RBFOX1: variants seen among roughly 807,000 people sequenced by gnomAD.
RBFOX1 encodes RNA binding protein fox-1 homolog 1.
RBFOX1 carries 8 observed loss-of-function variants against 57.7 expected under a neutral mutation model. The ratio of observed to expected loss-of-function variants is 0.14; its 90% CI spans 0.08 to 0.25. The LOEUF (loss-of-function observed/expected upper bound fraction) is 0.25. Among genes scored for constraint, RBFOX1 ranks in the 10% least tolerant of loss-of-function variants. The probability of loss-of-function intolerance (pLI) is 1.00; values close to 1 mark genes in which losing one functional copy is unlikely to be tolerated. For missense variants in RBFOX1, 611 were observed against 548.5 expected, an observed-to-expected ratio of 1.11 and a Z score of -1.14; for synonymous variants, 326 against 222.4, an observed-to-expected ratio of 1.47 and a Z score of -4.15.
chr16:6,068,728 G>T (rs915999645), intron 1 of RBFOX1, among the ~76,000 whole-genome samples: 1 of 152,190 alleles, frequency 6.6e-6, no homozygotes, highest in Non-Finnish European at 1.5e-5. Context: ...TACGTCTTTA[G>T]AGGAATGCAC....
At chr16:7,206,344 C>CCCCTTATAAATA (rs1174818547) in intron 4 of RBFOX1, among the ~76,000 whole-genome samples, 62 of 151,950 alleles carry the variant, frequency 4.1e-4, no homozygotes, top group East Asian at 5.8e-4. Flanking sequence ...CTTTGCCTTG[C>CCCCTTATAAATA]CAAGTAAGCC....
rs1156971253 is a variant in RBFOX1 at position 6,444,633 on chromosome 16, CT to C, written c.-64+127586del. ...ATGTGGAACTGTAAGTCCATTAAAC[CT>C]TTTTTTTTTCCTAGTCTTGGGTATG... On this transcript the variant is annotated intron_variant, in intron 2 of 15. Coordinates refer to ENST00000550418, the MANE Select transcript of RBFOX1 (RefSeq NM_018723.4). Among the ~76,000 whole-genome samples, 14 of 149,774 alleles carry C rather than the reference CT, an allele frequency of 9.3e-5. No individual in the cohort carries two copies. The East Asian group carries it at 1.2e-3, about 13-fold the overall frequency.
At chr16:7,536,327 C>T (rs922950699) in intron 5 of RBFOX1, among the ~76,000 whole-genome samples, 1 of 152,220 alleles carries the variant, frequency 6.6e-6, no homozygotes, top group Non-Finnish European at 1.5e-5. Flanking sequence ...GGCGCGGTGG[C>T]TCATGCCTGT....
At chr16:6,254,066 A>G (rs1433920951) in intron 1 of RBFOX1, among the ~76,000 whole-genome samples, 1 of 152,156 alleles carries the variant, frequency 6.6e-6, no homozygotes, top group Non-Finnish European at 1.5e-5. Flanking sequence ...TAATGGAAAG[A>G]CAAACTTACG....
intron 3 of RBFOX1, among the ~76,000 whole-genome samples, chr16:6,929,734 G>T (rs1245988571): frequency 6.6e-6 from 1 of 152,086 alleles, no homozygotes; most frequent in Non-Finnish European, 1.5e-5. Flanking sequence ...TATTATTTAT[G>T]AAATGCAGAG....
chr16:5,266,641 G>A (rs1412489342), intron 1 of RBFOX1, among the ~76,000 whole-genome samples: 1 of 147,404 alleles, frequency 6.8e-6, no homozygotes, highest in Admixed American at 7.0e-5. Flanking sequence ...TCTGTCTCCT[G>A]GGCTCAAGGA....
At chr16:7,017,611 A>C (rs1032652702) in intron 3 of RBFOX1, among the ~76,000 whole-genome samples, 2 of 152,280 alleles carry the variant, frequency 1.3e-5, no homozygotes, top group Middle Eastern at 3.4e-3. Flanking sequence ...GTCAAGGTAC[A>C]TTGTGGCCTC....
intron 3 of RBFOX1, among the ~76,000 whole-genome samples, chr16:6,737,565 A>G (rs924855749): frequency 6.6e-6 from 1 of 152,088 alleles, no homozygotes; most frequent in African/African-American, 2.4e-5. Context: ...TTAAATCTGG[A>G]CTCTGCTTCT....
At chr16:6,527,705 C>T (rs1316990888) in intron 2 of RBFOX1, among the ~76,000 whole-genome samples, 1 of 152,128 alleles carries the variant, frequency 6.6e-6, no homozygotes, top group East Asian at 1.9e-4. Context: ...GTTTATCCTC[C>T]TGAGTCAGAG....
chr16:6,372,612 T>G (rs1012766783), intron 2 of RBFOX1, among the ~76,000 whole-genome samples: 8 of 150,192 alleles, frequency 5.3e-5, no homozygotes, highest in African/African-American at 2.0e-4. Flanking sequence ...TTCATTGGGA[T>G]CACTGGGCAG....
At chr16:6,280,985 ATG>A (rs1439602972) in intron 1 of RBFOX1, among the ~76,000 whole-genome samples, 5 of 150,140 alleles carry the variant, frequency 3.3e-5, no homozygotes, top group East Asian at 2.0e-4. Flanking sequence ...GTGTATATAT[ATG>A]TGTGTGTGTA....
At chr16:6,197,853 T>C (rs920503523) in intron 1 of RBFOX1, among the ~76,000 whole-genome samples, 2 of 152,088 alleles carry the variant, frequency 1.3e-5, no homozygotes, top group African/African-American at 4.8e-5. Flanking sequence ...TTCGTGTCCA[T>C]GAGTTTCCAT....
chr16:6,203,866 A>T (rs962174235), intron 1 of RBFOX1, among the ~76,000 whole-genome samples: 1 of 152,100 alleles, frequency 6.6e-6, no homozygotes, highest in Non-Finnish European at 1.5e-5. Context: ...TCTTTCATCT[A>T]TTGTGTATCT....
At chr16:7,139,484 C>G (rs1337331159) in intron 4 of RBFOX1, among the ~76,000 whole-genome samples, 1 of 152,088 alleles carries the variant, frequency 6.6e-6, no homozygotes, top group Admixed American at 6.6e-5. Context: ...AAAATCCTAA[C>G]TAAATAGCCC....
chr16:6,176,902 A>G (rs1043005250), intron 1 of RBFOX1, among the ~76,000 whole-genome samples: 3 of 152,162 alleles, frequency 2.0e-5, no homozygotes, highest in Non-Finnish European at 4.4e-5. Context: ...GAACAGGTCA[A>G]AAACTGTTTT....
intron 3 of RBFOX1, among the ~76,000 whole-genome samples, chr16:6,909,141 A>G (rs1350220717): frequency 6.6e-6 from 1 of 152,198 alleles, no homozygotes; most frequent in East Asian, 1.9e-4. Flanking sequence ...CTGGAGTAAA[A>G]TCAAACGTCA....
At chr16:7,164,425 T>TA (rs1282802467) in intron 4 of RBFOX1, among the ~76,000 whole-genome samples, 2 of 152,228 alleles carry the variant, frequency 1.3e-5, no homozygotes, top group African/African-American at 4.8e-5. Flanking sequence ...GCTATAAACA[T>TA]ACGTCTACAA....
At chr16:7,280,010 G>A (rs781423752) in intron 4 of RBFOX1, among the ~76,000 whole-genome samples, 15 of 152,272 alleles carry the variant, frequency 9.9e-5, no homozygotes, top group African/African-American at 1.4e-4. Context: ...CATGGCCAGC[G>A]CCACATCACC....
At chr16:6,743,816 T>C (rs1395132236) in intron 3 of RBFOX1, among the ~76,000 whole-genome samples, 1 of 114,626 alleles carries the variant, frequency 8.7e-6, no homozygotes, top group Admixed American at 8.1e-5. Flanking sequence ...TTTTCTCATG[T>C]GTTTTGACTA....
Sources: gnomAD v4.1 joint callset for allele counts (sites outside exome capture counted in the v4.1 genomes callset) on GRCh38, gnomAD v4.1.1 for gene constraint, MANE v1.5 for transcripts, NCBI Gene and HGNC (gene_info 2026-07-23, HGNC 2026-07-21) for gene names.